Variants in HYCC1 observed in about 807,000 individuals in gnomAD.
HYCC1 encodes the protein hyccin PI4KA lipid kinase complex subunit 1.
chr7:22,991,771 A>T, the HYCC1 span, among the ~76,000 whole-genome samples: 1 of 152,142 alleles, frequency 6.6e-6, no homozygotes, highest in Non-Finnish European at 1.5e-5. Context: ...GTCAAAATAC[A>T]ACGTATTTTT....
At chr7:22,900,847 A>G in the HYCC1 span, among the ~76,000 whole-genome samples, 1 of 152,188 alleles carries the variant, frequency 6.6e-6, no homozygotes, top group African/African-American at 2.4e-5. Context: ...GCAAGACTCA[A>G]CTATATGCTC....
At chr7:22,976,354 G>C in the HYCC1 span, 1 of 1,376,828 alleles carries the variant, frequency 7.3e-7, no homozygotes, top group Non-Finnish European at 1.0e-6. Flanking sequence ...ATTCTAAGAA[G>C]TCAACTATAA....
chr7:22,982,376 T>C, the HYCC1 span, among the ~76,000 whole-genome samples: 1 of 152,176 alleles, frequency 6.6e-6, no homozygotes, highest in Non-Finnish European at 1.5e-5. Flanking sequence ...GCACCTAAAA[T>C]TCATGATACG....
the HYCC1 span, among the ~76,000 whole-genome samples, chr7:23,005,794 T>G: frequency 6.6e-6 from 1 of 152,226 alleles, no homozygotes; most frequent in Non-Finnish European, 1.5e-5. Flanking sequence ...CTACCACCCA[T>G]GTAACCATTC....
At chr7:22,937,798 GATT>G in the HYCC1 span, 2 of 152,130 alleles carry the variant, frequency 1.3e-5, no homozygotes, top group African/African-American at 2.4e-5. Flanking sequence ...ATGTGATGTG[GATT>G]ATATTAGAAC....
At chr7:23,009,312 G>C in the HYCC1 span, among the ~76,000 whole-genome samples, 1 of 152,004 alleles carries the variant, frequency 6.6e-6, no homozygotes, top group African/African-American at 2.4e-5. Flanking sequence ...TTTACAATAA[G>C]GCTGTGACAA....
At chr7:22,901,345 C>A in the HYCC1 span, among the ~76,000 whole-genome samples, 1 of 139,820 alleles carries the variant, frequency 7.2e-6, no homozygotes, top group African/African-American at 2.7e-5. Context: ...TAACAGAAAA[C>A]TAAAAATAGA....
chr7:22,999,747 A>G, the HYCC1 span, among the ~76,000 whole-genome samples: 1 of 152,190 alleles, frequency 6.6e-6, no homozygotes, highest in Non-Finnish European at 1.5e-5. Context: ...TGCTGAGTAT[A>G]ATGCAAAGTG....
At chr7:22,899,788 T>A in the HYCC1 span, among the ~76,000 whole-genome samples, 2 of 152,222 alleles carry the variant, frequency 1.3e-5, no homozygotes, top group Admixed American at 1.3e-4. Context: ...TTATGACAAC[T>A]ACCTTCTTTT....
chr7:22,945,475 T>A, the HYCC1 span: 1 of 799,032 alleles, frequency 1.3e-6, no homozygotes, highest in Admixed American at 1.8e-5. Context: ...CTTCAGAATT[T>A]AAGACATCAG....
chr7:22,910,533 C>G, the HYCC1 span, among the ~76,000 whole-genome samples: 2 of 152,274 alleles, frequency 1.3e-5, no homozygotes, highest in African/African-American at 4.8e-5. Context: ...CTATTTAACA[C>G]CTAATATTAT....
chr7:22,935,879 C>T, the HYCC1 span: 1 of 150,920 alleles, frequency 6.6e-6, no homozygotes, highest in East Asian at 2.0e-4. Context: ...GAACTTCTGA[C>T]TTTAGGTGAT....
the HYCC1 span, among the ~76,000 whole-genome samples, chr7:23,003,205 C>CT: frequency 9.2e-5 from 14 of 151,362 alleles, no homozygotes; most frequent in African/African-American, 2.2e-4. Flanking sequence ...CAGCCTGGCT[C>CT]TTTTTTTTTC....
chr7:23,004,503 C>T, the HYCC1 span, among the ~76,000 whole-genome samples: 1 of 152,138 alleles, frequency 6.6e-6, no homozygotes, highest in Non-Finnish European at 1.5e-5. Context: ...GCTGGCCTTT[C>T]TGAGGTGCAA....
the HYCC1 span, among the ~76,000 whole-genome samples, chr7:22,949,208 C>G: frequency 6.6e-6 from 1 of 152,010 alleles, no homozygotes; most frequent in Non-Finnish European, 1.5e-5. Context: ...TGAAAGTGTT[C>G]ACATATATTA....
chr7:22,956,583 A>T, the HYCC1 span, among the ~76,000 whole-genome samples: 20 of 151,860 alleles, frequency 1.3e-4, no homozygotes, highest in Non-Finnish European at 2.5e-4. Context: ...TTTAAAAATC[A>T]TCCTATTTAA....
chr7:23,001,890 C>G, the HYCC1 span, among the ~76,000 whole-genome samples: 7 of 134,172 alleles, frequency 5.2e-5, no homozygotes, highest in African/African-American at 2.0e-4. Context: ...TGCTTTATGG[C>G]AAACATTTTT....
the HYCC1 span, among the ~76,000 whole-genome samples, chr7:22,953,329 G>A: frequency 6.6e-6 from 1 of 151,842 alleles, no homozygotes; most frequent in Admixed American, 6.6e-5. Flanking sequence ...TAAAAAGGTG[G>A]AGAAAGGAGG....
the HYCC1 span, among the ~76,000 whole-genome samples, chr7:22,899,970 A>C: frequency 3.3e-5 from 5 of 152,112 alleles, no homozygotes; most frequent in African/African-American, 1.2e-4. Context: ...TCATTTTTGT[A>C]GTCAGAAAAT....
Sources: allele counts gnomAD v4.1 joint callset (sites outside exome capture counted in the v4.1 genomes callset), GRCh38; gene constraint gnomAD v4.1.1; transcripts MANE v1.5; gene names NCBI Gene and HGNC (gene_info 2026-07-23, HGNC 2026-07-21).